RELN: variants seen among roughly 807,000 people sequenced by gnomAD.
The protein encoded by RELN is reelin.
RELN carries 108 observed loss-of-function variants against 427.6 expected under a neutral mutation model. The observed-to-expected ratio is 0.25, with a 90% confidence interval of 0.22 to 0.30. The LOEUF (loss-of-function observed/expected upper bound fraction) is 0.30. Among genes scored for constraint, RELN ranks in the 10% least tolerant of loss-of-function variants. The pLI is 1.00. For missense variants in RELN, 3,715 were observed against 4,302.8 expected (o/e 0.86, Z 3.82); for synonymous variants, 1,524 against 1,513.4 (o/e 1.01, Z -0.16).
chr7:103,809,115 T>C (rs544976469), intron 3 of RELN, among the ~76,000 whole-genome samples: 197 of 152,268 alleles, frequency 1.3e-3, no homozygotes, highest in African/African-American at 4.4e-3. Flanking sequence ...CACAGAAAGC[T>C]AGAAGTCAGT....
chr7:103,853,276 A>G (rs1395676101), intron 2 of RELN, among the ~76,000 whole-genome samples: 1 of 152,080 alleles, frequency 6.6e-6, no homozygotes, highest in African/African-American at 2.4e-5. Context: ...ATCACAAAGA[A>G]AAGATTCTTA....
intron 16 of RELN, among the ~76,000 whole-genome samples, chr7:103,644,565 C>T (rs899416676): frequency 6.0e-5 from 9 of 151,244 alleles, no homozygotes; most frequent in Non-Finnish European, 1.3e-4. Context: ...TTCAAGCTAA[C>T]ACAGTCAGAC....
chr7:103,915,056 C>A (rs1795454195), intron 2 of RELN, among the ~76,000 whole-genome samples: 1 of 152,128 alleles, frequency 6.6e-6, no homozygotes, highest in Non-Finnish European at 1.5e-5. Context: ...AGTCTCCTAT[C>A]TAGCCGTATC....
chr7:103,875,548 A>G (rs1794458347), intron 2 of RELN, among the ~76,000 whole-genome samples: 1 of 152,200 alleles, frequency 6.6e-6, no homozygotes, highest in Non-Finnish European at 1.5e-5. Context: ...TACTTAACAG[A>G]TATTTAATGT....
chr7:103,717,330 T>C (rs909798518), intron 8 of RELN, among the ~76,000 whole-genome samples: 25 of 149,708 alleles, frequency 1.7e-4, no homozygotes, highest in African/African-American at 5.6e-4. Context: ...GTTTTATATA[T>C]ATATATTTCA....
intron 1 of RELN, among the ~76,000 whole-genome samples, chr7:103,987,093 TCTTA>T (rs1797118729): frequency 1.5e-5 from 2 of 132,072 alleles, no homozygotes; most frequent in Non-Finnish European, 1.6e-5. Flanking sequence ...AAAAAAAAAC[TCTTA>T]CTTTAAGGCC....
chr7:103,743,096 G>A lies in RELN; in HGVS notation c.656+6330C>T, dbSNP rs565035711. On this transcript the variant is annotated intron_variant, in intron 6 of 64. Coordinates refer to ENST00000428762, the MANE Select transcript of RELN (RefSeq NM_005045.4). ...AAACTCTCCAAGCCAGAAGAGAGTGGGGGCCAATATTCAACATTCTTAAAG... is the reference window on the plus strand; with the variant it reads ...AAACTCTCCAAGCCAGAAGAGAGTGAGGGCCAATATTCAACATTCTTAAAG... Among the ~76,000 whole-genome samples the A allele has an allele frequency of 1.9e-3, 277 of 149,682 alleles. 5 individuals carry two copies. Among genetic ancestry groups the A allele is most frequent in the Admixed American group, 0.017 (261 of 15,170 alleles).
rs765494628 is a variant in RELN at position 103,652,542 on chromosome 7, G to T, written c.1763+9C>A. ...TAGTTTTGCACACTTACAAAATAGG[G>T]CTTCCTACCTGTTACCAGGCTGATG... On this transcript the variant is annotated intron_variant, in intron 14 of 64. Coordinates refer to ENST00000428762, the MANE Select transcript of RELN (RefSeq NM_005045.4). 3 of 1,609,286 alleles carry T rather than the reference G, an allele frequency of 1.9e-6. No individual in the cohort carries two copies. Among genetic ancestry groups the T allele is most frequent in the Non-Finnish European group, 2.6e-6 (3 of 1,176,256 alleles).
intron 1 of RELN, among the ~76,000 whole-genome samples, chr7:103,939,008 G>A (rs970590282): frequency 4.0e-5 from 6 of 151,534 alleles, no homozygotes; most frequent in East Asian, 1.9e-4. Context: ...GTCCAATGGC[G>A]TAGTCTCGGC....
At position 103,840,708 on chromosome 7, in the gene RELN, C is replaced by G. The variant is rs1465441302; in HGVS notation, c.338-7036G>C. On this transcript the variant is annotated intron_variant, in intron 2 of 64. Coordinates refer to ENST00000428762, the MANE Select transcript of RELN (RefSeq NM_005045.4). ...GGTGATCTTTTTAATGCCTTTTGTA[C>G]CATGAAAGAGATATACCACCTAATT... Among the ~76,000 whole-genome samples, 11 of 151,980 alleles carry G rather than the reference C, an allele frequency of 7.2e-5. No homozygotes were observed. The South Asian group carries it at 2.1e-3, about 29-fold the overall frequency.
chr7:103,775,793 G>A (rs188958316), intron 4 of RELN, among the ~76,000 whole-genome samples: 11 of 152,230 alleles, frequency 7.2e-5, no homozygotes, highest in Middle Eastern at 3.4e-3. Context: ...TGACTTACAC[G>A]GTAAGCTCTA....
At chr7:103,508,844 A>G (rs1260774548) in intron 51 of RELN, among the ~76,000 whole-genome samples, 1 of 150,116 alleles carries the variant, frequency 6.7e-6, no homozygotes, top group Non-Finnish European at 1.5e-5. Flanking sequence ...AATCACAAGC[A>G]TTTCTGTACA....
chr7:103,792,704 T>C (rs1189592411), intron 3 of RELN, among the ~76,000 whole-genome samples: 2 of 152,146 alleles, frequency 1.3e-5, no homozygotes, highest in Non-Finnish European at 2.9e-5. Context: ...TTTTTATAAT[T>C]GTGAAACTTT....
chr7:103,964,404 G>T (rs1313203375), intron 1 of RELN, among the ~76,000 whole-genome samples: 1 of 152,142 alleles, frequency 6.6e-6, no homozygotes, highest in East Asian at 1.9e-4. Context: ...CTCTCTTCTA[G>T]ACCAGATGTT....
chr7:103,869,420 T>C (rs748400127), intron 2 of RELN, among the ~76,000 whole-genome samples: 1 of 152,058 alleles, frequency 6.6e-6, no homozygotes, highest in Non-Finnish European at 1.5e-5. Context: ...AAAAGAATGT[T>C]GTCTAGAATC....
At chr7:103,551,844 G>A (rs1830417520) in intron 40 of RELN, among the ~76,000 whole-genome samples, 1 of 151,948 alleles carries the variant, frequency 6.6e-6, no homozygotes, top group Admixed American at 6.6e-5. Flanking sequence ...TACCCATACT[G>A]TTTTGATATG....
intron 28 of RELN, among the ~76,000 whole-genome samples, chr7:103,587,767 A>G (rs1276722544): frequency 6.6e-6 from 1 of 152,192 alleles, no homozygotes; most frequent in South Asian, 2.1e-4. Flanking sequence ...GTGAAAAGGT[A>G]TATGAAAAAA....
At position 103,814,120 on chromosome 7, in the gene RELN, T is replaced by C. The variant is rs755125271; in HGVS notation, c.473+19417A>G. 9.9e-4 allele frequency among the ~76,000 whole-genome samples: 151 copies of C among 152,314 alleles called. 1 individual carries two copies. Among genetic ancestry groups the C allele is most frequent in the Non-Finnish European group, 7.4e-4 (50 of 68,016 alleles). On this transcript the variant is annotated intron_variant, in intron 3 of 64. Transcript: ENST00000428762. ...TGAGCTGCAATCCTGCACTTATTAC[T>C]CTATGAACTATCTGTGTCAGGAGAA...
At chr7:103,776,318 A>T (rs1791741163) in intron 4 of RELN, among the ~76,000 whole-genome samples, 1 of 152,240 alleles carries the variant, frequency 6.6e-6, no homozygotes. Context: ...ACTAAAGGTA[A>T]TTCATTAGAA....
Sources: allele counts gnomAD v4.1 joint callset (sites outside exome capture counted in the v4.1 genomes callset), GRCh38; gene constraint gnomAD v4.1.1; transcripts MANE v1.5; gene names NCBI Gene and HGNC (gene_info 2026-07-23, HGNC 2026-07-21).